Variants in GRID2 observed in about 807,000 individuals in gnomAD.
The protein encoded by GRID2 is glutamate ionotropic receptor delta type subunit 2.
GRID2 carries 33 observed loss-of-function variants against 114.8 expected under a neutral mutation model. The observed-to-expected ratio is 0.29, with a 90% CI of 0.22 to 0.38. GRID2 has a LOEUF of 0.38. Ranked by LOEUF, GRID2 falls within the 10% of genes least tolerant of loss-of-function variation. GRID2 has a pLI of 1.00. For synonymous variants in GRID2, 505 were observed against 449.9 expected (o/e 1.12, Z -1.55); for missense variants, 1,184 against 1,257.7 (o/e 0.94, Z 0.89).
chr4:93,321,881 C>T (rs1043250466), intron 8 of GRID2, among the ~76,000 whole-genome samples: 6 of 151,480 alleles, frequency 4.0e-5, no homozygotes, highest in Non-Finnish European at 7.4e-5. Context: ...CCAATTAAAG[C>T]GTTGTTACTT....
chr4:92,854,475 A>G (rs1041867510), intron 2 of GRID2, among the ~76,000 whole-genome samples: 1 of 151,882 alleles, frequency 6.6e-6, no homozygotes, highest in Non-Finnish European at 1.5e-5. Flanking sequence ...CACAATGAGA[A>G]CAGCTAATTT....
intron 7 of GRID2, among the ~76,000 whole-genome samples, chr4:93,236,104 T>C (rs910848327): frequency 6.6e-6 from 1 of 151,960 alleles, no homozygotes; most frequent in African/African-American, 2.4e-5. Context: ...TGAACTTACT[T>C]GTAGTAATAT....
chr4:93,018,533 T>G (rs1314531189), intron 2 of GRID2, among the ~76,000 whole-genome samples: 6 of 152,120 alleles, frequency 3.9e-5, no homozygotes, highest in African/African-American at 1.4e-4. Context: ...GCTTATCTAC[T>G]GAGAGATCAA....
intron 1 of GRID2, among the ~76,000 whole-genome samples, chr4:92,388,378 A>G (rs1022089842): frequency 2.0e-5 from 3 of 151,952 alleles, no homozygotes; most frequent in Non-Finnish European, 4.4e-5. Flanking sequence ...CACGGTTACA[A>G]TAGTATCCCT....
At chr4:92,318,937 T>C (rs977551302) in intron 1 of GRID2, among the ~76,000 whole-genome samples, 2 of 152,152 alleles carry the variant, frequency 1.3e-5, no homozygotes, top group Non-Finnish European at 2.9e-5. Flanking sequence ...CTCCCTTAAA[T>C]GTTCAAATCA....
At chr4:92,319,870 T>A (rs1305983360) in intron 1 of GRID2, among the ~76,000 whole-genome samples, 2 of 152,194 alleles carry the variant, frequency 1.3e-5, no homozygotes, top group Non-Finnish European at 2.9e-5. Context: ...AGCTCCCACC[T>A]TGGCTGGGTC....
At chr4:93,062,637 C>A (rs1005836073) in intron 2 of GRID2, among the ~76,000 whole-genome samples, 1 of 151,950 alleles carries the variant, frequency 6.6e-6, no homozygotes, top group African/African-American at 2.4e-5. Context: ...GAAAGTGAAA[C>A]TAGAGTTTGT....
rs184145078 is a variant in GRID2 at position 92,359,425 on chromosome 4, A to C, written c.88+54681A>C. ...TTGGCAAGTTACTTATCTGACCTAT[A>C]ACTTTTTCATCTGTTAATCAGATAA... On this transcript the variant is annotated intron_variant, in intron 1 of 15. Transcript: ENST00000282020. 1.2e-4 allele frequency among the ~76,000 whole-genome samples: 18 copies of C among 152,156 alleles called. No individual in the cohort carries two copies. The East Asian group carries it at 3.5e-3, about 30-fold the overall frequency.
At chr4:93,229,253 G>A (rs1258007824) in intron 7 of GRID2, among the ~76,000 whole-genome samples, 2 of 152,148 alleles carry the variant, frequency 1.3e-5, no homozygotes, top group Non-Finnish European at 2.9e-5. Flanking sequence ...CATTAAGTGA[G>A]AAAGAAAGTT....
rs182038065 is a variant in GRID2, at chr4:92,617,931, G to A, written c.244+27645G>A. ...TAGATATTAATCCCCTGTTGAATGAGTAGTGTGCAAATATTTTCTTCCATT... is the reference window on the plus strand; with the variant it reads ...TAGATATTAATCCCCTGTTGAATGAATAGTGTGCAAATATTTTCTTCCATT... On this transcript the variant is annotated intron_variant, in intron 2 of 15. Transcript: ENST00000282020. 5.9e-5 allele frequency among the ~76,000 whole-genome samples: 9 copies of A among 151,610 alleles called. No homozygotes were observed. The East Asian group carries it at 1.6e-3, about 26-fold the overall frequency.
intron 2 of GRID2, among the ~76,000 whole-genome samples, chr4:92,606,089 C>T (rs926310817): frequency 2.1e-4 from 28 of 136,014 alleles, no homozygotes; most frequent in African/African-American, 7.0e-4. Flanking sequence ...ACTCAGTTTT[C>T]CTGTTCTTCT....
At chr4:93,393,089 T>G (rs918640632) in intron 8 of GRID2, among the ~76,000 whole-genome samples, 1 of 152,040 alleles carries the variant, frequency 6.6e-6, no homozygotes, top group Non-Finnish European at 1.5e-5. Context: ...TACCCCATTA[T>G]CATATGTGAT....
chr4:92,553,258 A>C (rs1260801821), intron 1 of GRID2, among the ~76,000 whole-genome samples: 2 of 152,126 alleles, frequency 1.3e-5, no homozygotes, highest in African/African-American at 2.4e-5. Flanking sequence ...CACATCATAT[A>C]ATTCTTTATA....
In GRID2 at chr4:93,791,444, T is replaced by C. The variant is rs551186183; in HGVS notation, c.222-15271T>C. On this transcript the variant is annotated intron_variant, in intron 1 of 1. Coordinates refer to the GRID2 transcript ENST00000637838. ...TTGAAAATTAGTAAGGCAGGTCTATTTAGAGAAGCTCTACCAAACCACCAC... is the reference window on the plus strand; with the variant it reads ...TTGAAAATTAGTAAGGCAGGTCTATCTAGAGAAGCTCTACCAAACCACCAC... Among the ~76,000 whole-genome samples, 38 of 152,254 alleles carry C rather than the reference T, an allele frequency of 2.5e-4. No individual in the cohort carries two copies. In the South Asian group the frequency reaches 7.9e-3, roughly 32 times the overall value.
chr4:93,765,148 A>C (rs906691722), intron 14 of GRID2, among the ~76,000 whole-genome samples: 1 of 152,290 alleles, frequency 6.6e-6, no homozygotes, highest in African/African-American at 2.4e-5. Context: ...TAATCTTTAA[A>C]TTGGGTTTTT....
intron 13 of GRID2, among the ~76,000 whole-genome samples, chr4:93,541,404 C>G (rs930051442): frequency 4.6e-5 from 7 of 152,170 alleles, no homozygotes; most frequent in African/African-American, 1.7e-4. Context: ...CTACTCTTGT[C>G]ATGGAGAGAG....
chr4:93,412,497 A>C (rs72884557), intron 9 of GRID2, among the ~76,000 whole-genome samples: 3 of 152,202 alleles, frequency 2.0e-5, no homozygotes, highest in Admixed American at 1.3e-4. Context: ...ATACTTGTGC[A>C]CATTTATGCT....
intron 2 of GRID2, among the ~76,000 whole-genome samples, chr4:92,713,792 A>G (rs1295496706): frequency 1.3e-5 from 2 of 151,912 alleles, no homozygotes; most frequent in Non-Finnish European, 1.5e-5. Context: ...AAATTAGCAC[A>G]GGAAAGACCT....
chr4:92,366,500 G>T (rs963420742), intron 1 of GRID2, among the ~76,000 whole-genome samples: 2 of 151,946 alleles, frequency 1.3e-5, no homozygotes, highest in Non-Finnish European at 1.5e-5. Context: ...ATTACGTATG[G>T]CAGGCACTCA....
Sources: gnomAD v4.1 joint callset for allele counts (sites outside exome capture counted in the v4.1 genomes callset) on GRCh38, gnomAD v4.1.1 for gene constraint, MANE v1.5 for transcripts, NCBI Gene and HGNC (gene_info 2026-07-23, HGNC 2026-07-21) for gene names.